TMEM33: variants seen among roughly 807,000 people sequenced by gnomAD.
TMEM33 encodes transmembrane protein 33.
In TMEM33, 16 loss-of-function variants were observed where a neutral mutation model predicts 29.7. The observed-to-expected ratio is 0.54, with a 90% CI of 0.36 to 0.82. TMEM33 has a LOEUF of 0.82. TMEM33 is among the 40% of genes least tolerant of loss of function. The pLI is 0.00. For missense variants in TMEM33, 252 were observed against 295.3 expected, an observed-to-expected ratio of 0.85 and a Z score of 1.08; for synonymous variants, 112 against 109.4, an observed-to-expected ratio of 1.02 and a Z score of -0.15.
Position 41,958,750 on chromosome 4 carries a change from C to T in TMEM33, c.*4551C>T, listed in dbSNP as rs1012335581. 2.1e-5 allele frequency: 3 copies of T among 140,092 alleles called. No homozygotes were observed. Among genetic ancestry groups the T allele is most frequent in the Non-Finnish European group, 4.5e-5 (3 of 66,256 alleles). The allele number at this position is 140,092 out of a possible 1,614,324, so 8.7% of individuals were successfully genotyped here. A position where few individuals can be genotyped will look rare whatever the true frequency, so the allele number is the denominator to read the frequency against. On this transcript the variant is annotated 3_prime_UTR_variant, in exon 7 of 7. Transcript: ENST00000504986. The stretch of plus-strand genomic sequence containing the variant: ...TTGAGACAGATTCTCACTCAGTTGC[C>T]CAGGCTGGAGTGCAGTGGTGCAGTC...
chr4:41,939,911 G>A, intron 3 of TMEM33: 1 of 396,846 alleles, frequency 2.5e-6, no homozygotes, highest in Non-Finnish European at 4.9e-6. Flanking sequence ...AATCCGTGAA[G>A]CTAATGAGAA....
intron 5 of TMEM33, among the ~76,000 whole-genome samples, chr4:41,947,430 A>G (rs1366852004): frequency 2.0e-5 from 3 of 152,168 alleles, no homozygotes; most frequent in African/African-American, 7.2e-5. Context: ...TTGGAACTAT[A>G]GTGAATTTTT....
intron 3 of TMEM33, among the ~76,000 whole-genome samples, chr4:41,943,048 G>A (rs570722188): frequency 6.6e-5 from 10 of 152,298 alleles, no homozygotes; most frequent in Non-Finnish European, 1.3e-4. Context: ...TGAAAGCACT[G>A]TAAAACTACT....
chr4:41,945,951 A>G (rs934094396), intron 5 of TMEM33, among the ~76,000 whole-genome samples: 1 of 147,684 alleles, frequency 6.8e-6, no homozygotes, highest in Non-Finnish European at 1.5e-5. Context: ...AGCCTGGGCA[A>G]CAGAGTGAGA....
chr4:41,940,760 A>G (rs1302929909), intron 3 of TMEM33, among the ~76,000 whole-genome samples: 2 of 136,922 alleles, frequency 1.5e-5, no homozygotes, highest in Admixed American at 7.9e-5. Context: ...GTGAACTGAG[A>G]TTGTGCCACT....
At position 41,938,694 on chromosome 4, in the gene TMEM33, T is replaced by A. The variant is rs756881743; in HGVS notation, c.138T>A (p.Leu46=). 1 of 1,614,034 alleles carries A rather than the reference T, an allele frequency of 6.2e-7. No individual in the cohort carries two copies. Among genetic ancestry groups the A allele is most frequent in the South Asian group, 1.1e-5 (1 of 91,084 alleles). The change falls in exon 2 of 7, where the codon CTT becomes CTA. Residue 46 remains leucine (L), a splice_region_variant and synonymous_variant. Transcript: ENST00000504986. ...YCSALFVLPL[L]GLHEAASFYQ... ...CTGCTCTGTTTGTTCTGCCTCTTCT[T>A]GGGTATGTATTATACATATTGCTGC...
upstream of TMEM33, chr4:41,935,379 G>T (rs568132283): frequency 8.8e-6 from 11 of 1,244,922 alleles, no homozygotes; most frequent in Middle Eastern, 5.2e-4. Flanking sequence ...TGTGTGGCGC[G>T]AGGCAGGGAA....
At chr4:41,948,776 A>G (rs1005001698) in intron 5 of TMEM33, among the ~76,000 whole-genome samples, 5 of 152,040 alleles carry the variant, frequency 3.3e-5, no homozygotes, top group African/African-American at 1.2e-4. Context: ...AGTTTTTCTT[A>G]GGGAAGAATT....
At chr4:41,945,646 G>T (rs1231110816) in intron 5 of TMEM33, among the ~76,000 whole-genome samples, 1 of 152,044 alleles carries the variant, frequency 6.6e-6, no homozygotes, top group East Asian at 1.9e-4. Flanking sequence ...AGTTTTGTTT[G>T]TTAATTTGTT....
chr4:41,955,837 A>T lies in TMEM33; in HGVS notation c.*1638A>T, dbSNP rs1297031901. ...TAATGTTGATTTCTAATTATGTTTT[A>T]AAAAATGAAGTCTTGAATTATATCA... On this transcript the variant is annotated 3_prime_UTR_variant, in exon 7 of 7. Transcript: ENST00000504986. 6.6e-6 allele frequency: 1 copy of T among 152,660 alleles called. No homozygotes were observed. Among genetic ancestry groups the T allele is most frequent in the Non-Finnish European group, 1.5e-5 (1 of 68,036 alleles). 9.5% of individuals were successfully genotyped at this position (152,660 alleles called of 1,614,324 possible).
At chr4:41,941,033 ATTTC>A (rs907613366) in intron 3 of TMEM33, among the ~76,000 whole-genome samples, 4 of 152,104 alleles carry the variant, frequency 2.6e-5, no homozygotes, top group African/African-American at 4.8e-5. Context: ...CATTAAAAAT[ATTTC>A]TTTCTGTATG....
chr4:41,944,072 A>T, intron 4 of TMEM33: 1 of 428,096 alleles, frequency 2.3e-6, no homozygotes, highest in Non-Finnish European at 4.2e-6. Flanking sequence ...TTTGAAATAG[A>T]TCAGTTTTTT....
chr4:41,943,598 AT>A (rs1390519597), intron 3 of TMEM33, 148 bp from the exon 4 acceptor site: 20 of 585,192 alleles, frequency 3.4e-5, no homozygotes, highest in Middle Eastern at 4.0e-4. Context: ...ACAAAATTTG[AT>A]TTGGCTTAAA....
Position 41,936,357 on chromosome 4 carries a change from A to G in TMEM33, c.45+828A>G, listed in dbSNP as rs77946185. Among the ~76,000 whole-genome samples, 506 of 152,268 alleles carry G rather than the reference A, an allele frequency of 3.3e-3. 2 individuals carry two copies. The highest frequency in any genetic ancestry group is 0.012 in the African/African-American group (485 of 41,564). ...GGAGTTAGAGACCAGCCTTGGAAAC[A>G]TAGCGAGACCTCATCTCTACTAGAA... On this transcript the variant is annotated intron_variant, in intron 1 of 6. Transcript: ENST00000504986.
chr4:41,952,958 T>G (rs1045151271), intron 6 of TMEM33, among the ~76,000 whole-genome samples: 1 of 152,106 alleles, frequency 6.6e-6, no homozygotes, highest in African/African-American at 2.4e-5. Flanking sequence ...TGTAGTATAT[T>G]TTTTCTTGTT....
In TMEM33 at chr4:41,955,468, A is replaced by ACC. The variant is rs1713225881; in HGVS notation, c.*1269_*1270insCC. 1 of 152,606 alleles carries ACC rather than the reference A, an allele frequency of 6.6e-6. No homozygotes were observed. The highest frequency in any genetic ancestry group is 2.1e-4 in the South Asian group (1 of 4,828). 9.5% of individuals were successfully genotyped at this position (152,606 alleles called of 1,614,324 possible). On this transcript the variant is annotated 3_prime_UTR_variant, in exon 7 of 7. Transcript: ENST00000504986. ...AACATTGTACAGTTTTAGTATAGAG[A>ACC]AATGTAATGGTTTTTGTGACCAGTT...
Position 41,956,534 on chromosome 4 carries a change from G to T in TMEM33, c.*2335G>T. 6.6e-6 allele frequency: 1 copy of T among 151,760 alleles called. No individual in the cohort carries two copies. 9.4% of individuals were successfully genotyped at this position (151,760 alleles called of 1,614,324 possible). A position where few individuals can be genotyped will look rare whatever the true frequency, so the allele number is the denominator to read the frequency against. ...AATCATGATTGTCTTTTAAAGATCT[G>T]TGTGTCTCTGTTTTGAGTTTTTCCT... is the stretch of plus-strand genomic sequence containing the variant. On this transcript the variant is annotated 3_prime_UTR_variant, in exon 7 of 7. Coordinates refer to ENST00000504986, the MANE Select transcript of TMEM33 (RefSeq NM_018126.3).
chr4:41,943,791 A>G lies in TMEM33; in HGVS notation c.373A>G (p.Thr125Ala). The G allele has an allele frequency of 6.2e-7, 1 of 1,613,944 alleles. No individual in the cohort carries two copies. Among genetic ancestry groups the G allele is most frequent in the Non-Finnish European group, 8.5e-7 (1 of 1,179,946 alleles). The stretch of plus-strand genomic sequence containing the variant: ...GTTATTCTCTTTGCTTCATGCTGCC[A>G]CATATACGAAAAAGGTCCTTGACGT... ...VLLFSLLHAA[T>A]YTKKVLDARG... Residue 125 changes from threonine to alanine, a missense_variant, in exon 4 of 7, where the codon ACA (threonine) becomes GCA (alanine). Physicochemically the swap from Thr to Ala is moderately conservative, Grantham distance 58. Transcript: ENST00000504986.
intron 1 of TMEM33, 70 bp from the exon 2 acceptor site, chr4:41,938,532 C>G (rs1712356660): frequency 7.1e-7 from 1 of 1,412,106 alleles, no homozygotes; most frequent in African/African-American, 1.4e-5. Context: ...GACATAAAAA[C>G]CACACAGTCT....
Sources: allele counts gnomAD v4.1 joint callset (sites outside exome capture counted in the v4.1 genomes callset), GRCh38; gene constraint gnomAD v4.1.1; transcripts MANE v1.5; gene names NCBI Gene and HGNC (gene_info 2026-07-23, HGNC 2026-07-21).